The following PCDHA7 variants were observed in gnomAD, a reference collection of about 807,000 sequenced individuals.
PCDHA7 encodes protocadherin alpha-7.
In PCDHA7, 37 loss-of-function variants were observed where a neutral mutation model predicts 57.2. That is an observed-to-expected ratio of 0.65 (90% CI 0.50 to 0.85). PCDHA7 has a LOEUF of 0.85. PCDHA7 is among the 40% of genes least tolerant of loss of function. PCDHA7 has a pLI of 0.00. For missense variants in PCDHA7, 1,188 were observed against 1,241.8 expected, an observed-to-expected ratio of 0.96 and a Z score of 0.65; for synonymous variants, 553 against 558.8, an observed-to-expected ratio of 0.99 and a Z score of 0.15.
At position 140,903,816 on chromosome 5, in the gene PCDHA7, C is replaced by T. The variant is rs963125816; in HGVS notation, c.2355+67078C>T. On this transcript the variant is annotated intron_variant, in intron 1 of 3. Coordinates refer to ENST00000525929, the MANE Select transcript of PCDHA7 (RefSeq NM_018910.3). ...TTGTAATTGACAAGTATAGTTCTCACATGAATGTCTGTTGGTATTTTCATT... is the reference window on the plus strand; with the variant it reads ...TTGTAATTGACAAGTATAGTTCTCATATGAATGTCTGTTGGTATTTTCATT... Among the ~76,000 whole-genome samples, 7 of 152,190 alleles carry T rather than the reference C, an allele frequency of 4.6e-5. 1 individual carries two copies. The highest frequency in any genetic ancestry group is 2.6e-4 in the Admixed American group (4 of 15,282).
intron 1 of PCDHA7, among the ~76,000 whole-genome samples, chr5:140,897,061 T>C (rs1554187169): frequency 6.6e-6 from 1 of 152,134 alleles, no homozygotes; most frequent in Admixed American, 6.6e-5. Context: ...TCAAATACTA[T>C]GTCTTATTCA....
intron 1 of PCDHA7, among the ~76,000 whole-genome samples, chr5:140,891,408 C>G (rs1341322877): frequency 2.0e-5 from 3 of 147,046 alleles, no homozygotes; most frequent in Admixed American, 6.8e-5. Flanking sequence ...TCGCCACCCC[C>G]CACTCTTGCC....
chr5:140,936,944 T>A (rs900789474), intron 1 of PCDHA7, among the ~76,000 whole-genome samples: 3 of 152,226 alleles, frequency 2.0e-5, no homozygotes, highest in African/African-American at 7.2e-5. Flanking sequence ...AATATCTTAT[T>A]TTGATCTTTA....
intron 3 of PCDHA7, among the ~76,000 whole-genome samples, chr5:140,985,802 C>T (rs567648207): frequency 1.1e-4 from 16 of 146,640 alleles, no homozygotes; most frequent in African/African-American, 3.3e-4. Flanking sequence ...TGCAGTGGCA[C>T]GATCTCAGCT....
intron 1 of PCDHA7, among the ~76,000 whole-genome samples, chr5:140,880,233 T>A (rs1040125802): frequency 6.6e-6 from 1 of 152,046 alleles, no homozygotes; most frequent in African/African-American, 2.4e-5. Flanking sequence ...TTTAAATTAG[T>A]GTATGTGCGT....
In PCDHA7 at chr5:140,935,562, C is replaced by T. The variant is rs180759633; in HGVS notation, c.2356-43387C>T. Among the ~76,000 whole-genome samples, 423 of 152,262 alleles carry T rather than the reference C, an allele frequency of 2.8e-3. 2 individuals carry two copies. The highest frequency in any genetic ancestry group is 0.014 in the Middle Eastern group (4 of 294). On this transcript the variant is annotated intron_variant, in intron 1 of 3. Transcript: ENST00000525929. Reference sequence around the variant, plus strand: ...TGTTTTAAAGTATCTTGGAAAAGTTCCTCTCTGTGTAGTTAAGCCACCAGC... The same window carrying T: ...TGTTTTAAAGTATCTTGGAAAAGTTTCTCTCTGTGTAGTTAAGCCACCAGC...
At chr5:140,848,190 T>C in intron 1 of PCDHA7, 1 of 291,738 alleles carries the variant, frequency 3.4e-6, no homozygotes, top group South Asian at 6.2e-5. Flanking sequence ...CGGGATCTTC[T>C]GTTTCAACAA....
chr5:140,884,384 G>T (rs782701367), intron 1 of PCDHA7: 1 of 1,613,972 alleles, frequency 6.2e-7, no homozygotes. Flanking sequence ...TGCCATCTGC[G>T]CGGTGTCCAG....
intron 3 of PCDHA7, among the ~76,000 whole-genome samples, chr5:140,994,216 G>A (rs2097604981): frequency 6.6e-6 from 1 of 152,178 alleles, no homozygotes; most frequent in Non-Finnish European, 1.5e-5. Flanking sequence ...GGGACCCAGG[G>A]TCTGTCTATG....
chr5:140,863,474 G>A (rs1440662117), intron 1 of PCDHA7: 3 of 480,748 alleles, frequency 6.2e-6, no homozygotes, highest in African/African-American at 2.0e-5. Context: ...CTGGAGAGTC[G>A]CCTCCCAAGG....
Position 140,857,175 on chromosome 5 carries a change from A to C in PCDHA7, c.2355+20437A>C, listed in dbSNP as rs149086377. On this transcript the variant is annotated intron_variant, in intron 1 of 3. Transcript: ENST00000525929. ...ATTGCCCTAATCAGCGTTTCTGACC[A>C]TGATTCAGGAGCCAACGGACAGGTC... The C allele has an allele frequency of 2.5e-6, 4 of 1,598,338 alleles. No homozygotes were observed. The South Asian group carries it at 3.3e-5, about 13-fold the overall frequency.
intron 1 of PCDHA7, chr5:140,869,738 T>C (rs1454972321): frequency 1.2e-6 from 2 of 1,613,348 alleles, no homozygotes; most frequent in Non-Finnish European, 8.5e-7. Flanking sequence ...AATTTGCTGC[T>C]AACAGCTACA....
chr5:140,869,439 G>A (rs1554163055), intron 1 of PCDHA7: 1 of 1,614,212 alleles, frequency 6.2e-7, no homozygotes. Flanking sequence ...TCGTGGACAG[G>A]CCGCTGCAGG....
chr5:140,854,297 T>C (rs1194574834), intron 1 of PCDHA7: 2 of 419,142 alleles, frequency 4.8e-6, no homozygotes, highest in Non-Finnish European at 6.4e-6. Context: ...TATTATTTTG[T>C]GCGTGGAGAT....
intron 1 of PCDHA7, chr5:140,930,104 G>T (rs532818002): frequency 6.6e-6 from 1 of 152,210 alleles, no homozygotes; most frequent in Non-Finnish European, 1.5e-5. Flanking sequence ...ACTGATAGGA[G>T]ATCATATTGT....
intron 1 of PCDHA7, among the ~76,000 whole-genome samples, chr5:140,947,863 G>A (rs1438094304): frequency 6.6e-6 from 1 of 151,230 alleles, no homozygotes; most frequent in Non-Finnish European, 1.5e-5. Flanking sequence ...CATTATAATG[G>A]CTAGGACTTC....
At chr5:140,956,504 T>C (rs577559329) in intron 1 of PCDHA7, among the ~76,000 whole-genome samples, 1 of 152,352 alleles carries the variant, frequency 6.6e-6, no homozygotes, top group South Asian at 2.1e-4. Context: ...TGAAGCCTAC[T>C]TGATCATGGT....
intron 1 of PCDHA7, among the ~76,000 whole-genome samples, chr5:140,872,428 G>C (rs2053656212): frequency 6.6e-6 from 1 of 151,990 alleles, no homozygotes; most frequent in African/African-American, 2.4e-5. Context: ...AGAGTTCGAG[G>C]CCTGCCTGGA....
chr5:140,863,170 A>G (rs1458621286), intron 1 of PCDHA7: 2 of 688,322 alleles, frequency 2.9e-6, no homozygotes, highest in African/African-American at 1.8e-5. Flanking sequence ...GCTGGCGCTG[A>G]CTGCCACCGT....
Sources: gnomAD v4.1 joint callset for allele counts (sites outside exome capture counted in the v4.1 genomes callset) on GRCh38, gnomAD v4.1.1 for gene constraint, MANE v1.5 for transcripts, NCBI Gene and HGNC (gene_info 2026-07-23, HGNC 2026-07-21) for gene names.